DUSP22: variants seen among roughly 807,000 people sequenced by gnomAD.
The protein encoded by DUSP22 is dual specificity phosphatase 22, also known as dual specificity protein phosphatase 22.
A neutral mutation model predicts 24.5 loss-of-function variants in DUSP22; 24 were observed. The observed-to-expected ratio is 0.98, with a 90% CI of 0.71 to 1.38. DUSP22 has a LOEUF of 1.38. Ranked by LOEUF, DUSP22 falls within the 40% of genes most tolerant of loss-of-function variation. DUSP22 has a pLI of 0.00. For missense variants in DUSP22, 330 were observed against 269.2 expected (o/e 1.23, Z -1.58); for synonymous variants, 160 against 106.4 (o/e 1.50, Z -3.10).
chr6:350,971 A>G lies in DUSP22; in HGVS notation c.*2020A>G. 2 of 1,518,558 alleles carry G rather than the reference A, an allele frequency of 1.3e-6. No individual in the cohort carries two copies. Among genetic ancestry groups the G allele is most frequent in the South Asian group, 1.2e-5 (1 of 86,018 alleles). 94.1% of individuals were successfully genotyped at this position (1,518,558 alleles called of 1,614,324 possible). ...TTAAGTATCCAGTAGTGATTTGTAA[A>G]CTTGTTTTTCATTTGAAGCTGAATA... On this transcript the variant is annotated 3_prime_UTR_variant, in exon 7 of 7. Coordinates refer to ENST00000419235, the MANE Select transcript of DUSP22 (RefSeq NM_001286555.3).
chr6:348,539 C>G (rs775090534), intron 6 of DUSP22: 1 of 859,736 alleles, frequency 1.2e-6, no homozygotes. Context: ...GGTGACGTAC[C>G]ATTTCCTTGG....
Position 351,178 on chromosome 6 carries a change from C to T in DUSP22, c.*2227C>T, listed in dbSNP as rs1760196237. On this transcript the variant is annotated 3_prime_UTR_variant, in exon 7 of 7. Coordinates refer to ENST00000419235, the MANE Select transcript of DUSP22 (RefSeq NM_001286555.3). ...GCTCGTGATTGCTTCCTGTGAACGC[C>T]TCCCAAGGACGAGCCCAGTGTAGTT... is the stretch of plus-strand genomic sequence containing the variant. 2.3e-6 allele frequency: 1 copy of T among 441,894 alleles called. No homozygotes were observed. The highest frequency in any genetic ancestry group is 4.1e-6 in the Non-Finnish European group (1 of 244,536). The allele number at this position is 441,894 out of a possible 1,614,324, so 27.4% of individuals were successfully genotyped here. A position where few individuals can be genotyped will look rare whatever the true frequency, so the allele number is the denominator to read the frequency against.
chr6:298,748 A>G (rs1346886217), intron 1 of DUSP22, among the ~76,000 whole-genome samples: 1 of 152,308 alleles, frequency 6.6e-6, no homozygotes, highest in African/African-American at 2.4e-5. Context: ...AATGCCAGAG[A>G]CCGTCTTCCT....
chr6:330,094 A>T (rs2127410028), intron 3 of DUSP22, among the ~76,000 whole-genome samples: 1 of 152,402 alleles, frequency 6.6e-6, no homozygotes, highest in South Asian at 2.1e-4. Context: ...CCCTCATGGG[A>T]CTCATTTTCA....
At chr6:341,343 C>T (rs1429023300) in intron 4 of DUSP22, among the ~76,000 whole-genome samples, 4 of 152,304 alleles carry the variant, frequency 2.6e-5, no homozygotes, top group African/African-American at 9.6e-5. Flanking sequence ...GATAGTGCTT[C>T]AGACTCGCAC....
chr6:338,718 A>G (rs1241295225), intron 4 of DUSP22, among the ~76,000 whole-genome samples: 2 of 152,302 alleles, frequency 1.3e-5, no homozygotes, highest in African/African-American at 4.8e-5. Flanking sequence ...TATGTTGCTC[A>G]TTGTTTTAAA....
rs1233823124 is a variant in DUSP22, at chr6:348,843, T to G, written c.510T>G (p.Gly170=). The part of the protein sequence containing the change: ...QDAEEAKNIL[G]KYKEQGRTEP... ...CAGAAGAAGCCAAAAACATTCTGGG[T>G]AAATATAAGGAGCAAGGGCGCACAG... is the stretch of plus-strand genomic sequence containing the variant. Residue 170 remains glycine, a synonymous_variant, in exon 7 of 7, where the codon GGT becomes GGG. Transcript: ENST00000419235. 2 of 1,614,300 alleles carry G rather than the reference T, an allele frequency of 1.2e-6. No individual in the cohort carries two copies. Among genetic ancestry groups the G allele is most frequent in the Non-Finnish European group, 1.7e-6 (2 of 1,180,054 alleles).
In DUSP22 at chr6:350,445, C is replaced by A; in HGVS notation, c.*1494C>A. ...CTAAAAAGATGTTGCAACCCAGTTTCTCTGAATTCCACCACAAAAAGAGAC... is the reference window on the plus strand; with the variant it reads ...CTAAAAAGATGTTGCAACCCAGTTTATCTGAATTCCACCACAAAAAGAGAC... On this transcript the variant is annotated 3_prime_UTR_variant, in exon 7 of 7. Transcript: ENST00000419235. 8.8e-7 allele frequency: 1 copy of A among 1,130,164 alleles called. No individual in the cohort carries two copies. The highest frequency in any genetic ancestry group is 1.1e-6 in the Non-Finnish European group (1 of 919,036). The allele number at this position is 1,130,164 out of a possible 1,614,324, so 70.0% of individuals were successfully genotyped here. A position where few individuals can be genotyped will look rare whatever the true frequency, so the allele number is the denominator to read the frequency against.
intron 2 of DUSP22, among the ~76,000 whole-genome samples, chr6:308,582 G>A (rs1264852972): frequency 3.9e-5 from 6 of 152,416 alleles, no homozygotes; most frequent in Non-Finnish European, 5.9e-5. Flanking sequence ...GTGGGCTGTC[G>A]TGATATCAAG....
At chr6:335,235 T>G in intron 4 of DUSP22, 72 bp downstream of exon 4, 5 of 1,572,834 alleles carry the variant, frequency 3.2e-6, no homozygotes, top group Non-Finnish European at 4.4e-6. Context: ...GTCAGAGAAG[T>G]AGAAGACTGT....
intron 3 of DUSP22, among the ~76,000 whole-genome samples, chr6:317,720 AG>A (rs1758397544): frequency 6.6e-6 from 1 of 152,302 alleles, no homozygotes; most frequent in Admixed American, 6.5e-5. Context: ...GAGCCCACAC[AG>A]GCAGCTGCCG....
chr6:304,566 CT>C, intron 1 of DUSP22, 61 bp from the exon 2 acceptor site: 1 of 1,611,662 alleles, frequency 6.2e-7, no homozygotes, highest in South Asian at 1.1e-5. Flanking sequence ...ATGAGGCCCC[CT>C]TCTGCAATAC....
chr6:318,083 G>T (rs1249095959), intron 3 of DUSP22, among the ~76,000 whole-genome samples: 1 of 152,304 alleles, frequency 6.6e-6, no homozygotes, highest in African/African-American at 2.4e-5. Context: ...GCCTGTGGAT[G>T]TCCTGTTCTA....
intron 5 of DUSP22, among the ~76,000 whole-genome samples, chr6:346,881 A>T (rs1360097144): frequency 6.6e-6 from 1 of 152,304 alleles, no homozygotes. Flanking sequence ...CAGAGAAGCC[A>T]CCTATGAAAA....
chr6:301,569 A>G (rs1757581138), intron 1 of DUSP22, among the ~76,000 whole-genome samples: 1 of 152,310 alleles, frequency 6.6e-6, no homozygotes, highest in Admixed American at 6.5e-5. Context: ...TTGATAGGAC[A>G]GAGGAATGAG....
intron 4 of DUSP22, among the ~76,000 whole-genome samples, chr6:340,504 T>C: frequency 6.6e-6 from 1 of 152,308 alleles, no homozygotes; most frequent in Admixed American, 6.5e-5. Flanking sequence ...CTCTACTCAT[T>C]TGCTATTAGA....
intron 1 of DUSP22, among the ~76,000 whole-genome samples, chr6:294,421 C>G (rs1172961098): frequency 6.6e-6 from 1 of 152,280 alleles, no homozygotes; most frequent in African/African-American, 2.4e-5. Flanking sequence ...CAGTACAGGT[C>G]AGCATTGTCC....
At chr6:308,142 A>G (rs904480919) in intron 2 of DUSP22, among the ~76,000 whole-genome samples, 5 of 150,250 alleles carry the variant, frequency 3.3e-5, no homozygotes, top group African/African-American at 7.6e-5. Flanking sequence ...GTTCTGATCA[A>G]GTAGACATGG....
At chr6:335,494 T>G (rs1413950050) in intron 4 of DUSP22, among the ~76,000 whole-genome samples, 12 of 152,306 alleles carry the variant, frequency 7.9e-5, no homozygotes, top group Non-Finnish European at 1.8e-4. Context: ...ATTTGTTGGG[T>G]TCTGTCTAAA....
Sources: gnomAD v4.1 joint callset for allele counts (sites outside exome capture counted in the v4.1 genomes callset) on GRCh38, gnomAD v4.1.1 for gene constraint, MANE v1.5 for transcripts, NCBI Gene and HGNC (gene_info 2026-07-23, HGNC 2026-07-21) for gene names.